The following PRELID2 variants were observed in gnomAD, a reference collection of about 807,000 sequenced individuals.
PRELID2 encodes the protein PRELI domain-containing protein 2.
A neutral mutation model predicts 28.4 loss-of-function variants in PRELID2; 25 were observed. The ratio of observed to expected loss-of-function variants is 0.88; its 90% confidence interval spans 0.64 to 1.23. The LOEUF is 1.23. PRELID2 is among the 50% of genes most tolerant of loss of function. The pLI is 0.00. For missense variants in PRELID2, 201 were observed against 214.4 expected, an observed-to-expected ratio of 0.94 and a Z score of 0.39; for synonymous variants, 76 against 71.6, an observed-to-expected ratio of 1.06 and a Z score of -0.31.
intron 1 of PRELID2, among the ~76,000 whole-genome samples, chr5:145,597,526 TA>T (rs1216475833): frequency 1.3e-5 from 2 of 152,112 alleles, no homozygotes; most frequent in Non-Finnish European, 2.9e-5. Flanking sequence ...GGTTGAACAA[TA>T]CAATACTGCC....
At chr5:145,574,533 T>A (rs895240043) in intron 1 of PRELID2, among the ~76,000 whole-genome samples, 1 of 152,214 alleles carries the variant, frequency 6.6e-6, no homozygotes, top group African/African-American at 2.4e-5. Flanking sequence ...CTTGTCAGCA[T>A]GAAGAGAAGG....
At chr5:145,638,309 T>A (rs1754037591) in intron 1 of PRELID2, among the ~76,000 whole-genome samples, 1 of 152,130 alleles carries the variant, frequency 6.6e-6, no homozygotes, top group Non-Finnish European at 1.5e-5. Context: ...GCACTTGTGC[T>A]TTATTTATGT....
chr5:145,331,875 T>C, the PRELID2 span, among the ~76,000 whole-genome samples: 1 of 152,236 alleles, frequency 6.6e-6, no homozygotes, highest in Admixed American at 6.5e-5. Flanking sequence ...TGATGGTCTT[T>C]ACAATTTGGC....
the PRELID2 span, among the ~76,000 whole-genome samples, chr5:145,307,243 A>G: frequency 3.9e-5 from 6 of 152,142 alleles, no homozygotes; most frequent in African/African-American, 1.4e-4. Flanking sequence ...TGGATACTGG[A>G]GCCTCCAGAG....
chr5:145,628,488 G>A (rs1016914469), intron 1 of PRELID2, among the ~76,000 whole-genome samples: 2 of 151,792 alleles, frequency 1.3e-5, no homozygotes, highest in African/African-American at 2.4e-5. Flanking sequence ...CATGCCTGGC[G>A]AATTTTTGTA....
the PRELID2 span, among the ~76,000 whole-genome samples, chr5:145,255,510 A>G: frequency 6.6e-6 from 1 of 152,128 alleles, no homozygotes; most frequent in Admixed American, 6.6e-5. Flanking sequence ...GCAGTGGCTC[A>G]CATCTGTAAT....
At chr5:145,719,547 A>G (rs1054870485) in intron 1 of PRELID2, among the ~76,000 whole-genome samples, 28 of 151,966 alleles carry the variant, frequency 1.8e-4, no homozygotes, top group Non-Finnish European at 3.8e-4. Context: ...GCATGCATAC[A>G]TATATTTATA....
intron 1 of PRELID2, among the ~76,000 whole-genome samples, chr5:145,718,043 A>T (rs1755889545): frequency 6.6e-6 from 1 of 152,044 alleles, no homozygotes; most frequent in Admixed American, 6.6e-5. Flanking sequence ...GTTCGTGGAA[A>T]GCAAAGAACA....
intron 1 of PRELID2, among the ~76,000 whole-genome samples, chr5:145,586,782 A>G (rs1255913331): frequency 6.6e-6 from 1 of 152,170 alleles, no homozygotes; most frequent in Admixed American, 6.6e-5. Flanking sequence ...AGTACTGATG[A>G]GAAATCTCAG....
the PRELID2 span, among the ~76,000 whole-genome samples, chr5:145,446,154 G>A: frequency 3.3e-5 from 5 of 151,866 alleles, no homozygotes; most frequent in Non-Finnish European, 7.4e-5. Flanking sequence ...ACAAAGAAAT[G>A]ATAAAAGTTT....
At chr5:145,697,558 C>T (rs1485251909) in intron 1 of PRELID2, among the ~76,000 whole-genome samples, 1 of 152,180 alleles carries the variant, frequency 6.6e-6, no homozygotes, top group Non-Finnish European at 1.5e-5. Flanking sequence ...TTTATGCTAG[C>T]AGAGTAGAGG....
At chr5:145,719,253 C>A (rs1046632980) in intron 1 of PRELID2, among the ~76,000 whole-genome samples, 7 of 151,876 alleles carry the variant, frequency 4.6e-5, no homozygotes, top group East Asian at 1.9e-4. Context: ...ATTAAAATCA[C>A]CCTGAGAAAG....
chr5:145,411,726 C>A, the PRELID2 span, among the ~76,000 whole-genome samples: 1 of 152,192 alleles, frequency 6.6e-6, no homozygotes, highest in East Asian at 1.9e-4. Flanking sequence ...TCTAATCCCA[C>A]ATTTCCCTTC....
At chr5:145,526,060 C>T (rs556047370) in intron 1 of PRELID2, among the ~76,000 whole-genome samples, 3 of 152,250 alleles carry the variant, frequency 2.0e-5, no homozygotes, top group South Asian at 2.1e-4. Flanking sequence ...AGTGCTATGC[C>T]GCAGGGAAGC....
At chr5:145,312,375 C>G in the PRELID2 span, among the ~76,000 whole-genome samples, 3 of 151,990 alleles carry the variant, frequency 2.0e-5, no homozygotes, top group Admixed American at 6.6e-5. Context: ...AAAATTTACT[C>G]TTAGCAATTT....
At chr5:145,572,426 T>G (rs990621781) in intron 1 of PRELID2, among the ~76,000 whole-genome samples, 2 of 152,182 alleles carry the variant, frequency 1.3e-5, no homozygotes, top group Non-Finnish European at 2.9e-5. Context: ...TTTGTTGATA[T>G]CTCATATAAT....
chr5:145,782,864 A>AT (rs1049023821), intron 5 of PRELID2, among the ~76,000 whole-genome samples: 2 of 152,098 alleles, frequency 1.3e-5, no homozygotes, highest in Admixed American at 6.6e-5. Flanking sequence ...GGGAGAGAGA[A>AT]TTTTTTTTAA....
the PRELID2 span, among the ~76,000 whole-genome samples, chr5:145,335,475 A>G: frequency 2.0e-5 from 3 of 152,032 alleles, no homozygotes; most frequent in Non-Finnish European, 4.4e-5. Context: ...CCATTTCTTT[A>G]ATGTCAATTA....
At chr5:145,395,740 A>G in the PRELID2 span, among the ~76,000 whole-genome samples, 1 of 152,294 alleles carries the variant, frequency 6.6e-6, no homozygotes, top group East Asian at 1.9e-4. Context: ...AACCACAAAA[A>G]AAACAAAAAA....
Sources: allele counts gnomAD v4.1 joint callset (sites outside exome capture counted in the v4.1 genomes callset), GRCh38; gene constraint gnomAD v4.1.1; transcripts MANE v1.5; gene names NCBI Gene and HGNC (gene_info 2026-07-23, HGNC 2026-07-21).